KCNQ1: variants seen among roughly 807,000 people sequenced by gnomAD.
The protein encoded by KCNQ1 is potassium voltage-gated channel subfamily Q member 1.
KCNQ1 carries 49 observed loss-of-function variants against 72.4 expected under a neutral mutation model. The observed-to-expected ratio is 0.68, with a 90% confidence interval of 0.54 to 0.86. KCNQ1 has a LOEUF of 0.86. KCNQ1 is among the 40% of genes least tolerant of loss of function. KCNQ1 has a pLI of 0.00. For missense variants in KCNQ1, 790 were observed against 945.1 expected, an observed-to-expected ratio of 0.84 and a Z score of 2.15; for synonymous variants, 450 against 412.6, an observed-to-expected ratio of 1.09 and a Z score of -1.10.
At chr11:2,794,548 C>T (rs557550810) in intron 15 of KCNQ1, among the ~76,000 whole-genome samples, 4 of 152,222 alleles carry the variant, frequency 2.6e-5, no homozygotes, top group East Asian at 1.9e-4. Context: ...TGTGACTCAG[C>T]CCTGAGCCCA....
intron 11 of KCNQ1, among the ~76,000 whole-genome samples, chr11:2,707,564 T>C (rs1590044889): frequency 6.6e-6 from 1 of 152,064 alleles, no homozygotes; most frequent in East Asian, 2.0e-4. Context: ...CAGAGCAGCC[T>C]GGACCCAGGA....
In KCNQ1 at chr11:2,504,907, C is replaced by T. The variant is rs1208697091; in HGVS notation, c.387-23021C>T. Among the ~76,000 whole-genome samples the T allele has an allele frequency of 2.6e-5, 4 of 152,132 alleles. No homozygotes were observed. The East Asian group carries it at 7.7e-4, about 29-fold the overall frequency. On this transcript the variant is annotated intron_variant, in intron 1 of 15. Transcript: ENST00000155840. ...TCATGGACCCCATAAACCTATACAC[C>T]TACTATGTACCCACAAAAAGCAAAA... is the stretch of plus-strand genomic sequence containing the variant.
rs1349244002 is a variant in KCNQ1 at position 2,848,009 on chromosome 11, G to T, written c.*6G>T. The T allele has an allele frequency of 6.5e-7, 1 of 1,538,220 alleles. No homozygotes were observed. The highest frequency in any genetic ancestry group is 1.2e-5 in the South Asian group (1 of 82,380). On this transcript the variant is annotated 3_prime_UTR_variant, in exon 16 of 16. Transcript: ENST00000155840. ...GCCCCGATGAGGGGTCCTGAGGAGG[G>T]GATGGGGCTGGGGGATGGGCCTGAG...
intron 7 of KCNQ1, among the ~76,000 whole-genome samples, chr11:2,584,272 G>GC (rs1380958403): frequency 0.016 from 2 of 122 alleles, no homozygotes; most frequent in Non-Finnish European, 0.043. Context: ...ACATCTATGT[G>GC]CGTATATGTG....
At position 2,752,222 on chromosome 11, in the gene KCNQ1, T is replaced by G. The variant is rs189197107; in HGVS notation, c.1515-16622T>G. ...TACTGAGTTGAGGTGACTGGGTTGA[T>G]TTTAGCTTCACAGGTGATCTGAACC... On this transcript the variant is annotated intron_variant, in intron 11 of 15. Transcript: ENST00000155840. The surrounding 1 kb of genome is among the most constrained non-coding windows in gnomAD (Gnocchi z 5.2). Among the ~76,000 whole-genome samples, 240 of 152,288 alleles carry G rather than the reference T, an allele frequency of 1.6e-3. 1 individual carries two copies. The highest frequency in any genetic ancestry group is 5.5e-3 in the African/African-American group (229 of 41,550).
intron 11 of KCNQ1, among the ~76,000 whole-genome samples, chr11:2,763,431 G>A (rs231876): frequency 6.7e-6 from 1 of 150,208 alleles, no homozygotes. Context: ...AAGAAAGAAA[G>A]AAAGAAAGAT....
chr11:2,685,509 A>T, intron 11 of KCNQ1: 1 of 398,782 alleles, frequency 2.5e-6, no homozygotes, highest in Non-Finnish European at 4.4e-6. Context: ...ACATCCAGAC[A>T]GGAGACGCTA....
chr11:2,671,603 C>T lies in KCNQ1; in HGVS notation c.1514+9522C>T, dbSNP rs537836423. On this transcript the variant is annotated intron_variant, in intron 11 of 15. Coordinates refer to ENST00000155840, the MANE Select transcript of KCNQ1 (RefSeq NM_000218.3). This position sits in a 1 kb window ranked among gnomAD's most constrained non-coding sequence, Gnocchi z 4.7. ...TTATACAAGATCAGACTGCACTGCACCCTAAGTATAAACCTTGCCACAGCA... is the reference window on the plus strand; with the variant it reads ...TTATACAAGATCAGACTGCACTGCATCCTAAGTATAAACCTTGCCACAGCA... The T allele has an allele frequency of 2.5e-6, 1 of 398,640 alleles. No homozygotes were observed. The highest frequency in any genetic ancestry group is 2.1e-5 in the African/African-American group (1 of 48,740). 24.7% of individuals were successfully genotyped at this position (398,640 alleles called of 1,614,324 possible).
At chr11:2,714,895 G>A (rs1358614184) in intron 11 of KCNQ1, among the ~76,000 whole-genome samples, 1 of 151,870 alleles carries the variant, frequency 6.6e-6, no homozygotes, top group Non-Finnish European at 1.5e-5. Flanking sequence ...GGTCCCTCAG[G>A]ACACATGCTC....
At position 2,592,541 on chromosome 11, in the gene KCNQ1, C is replaced by T. The variant is rs1418885275; in HGVS notation, c.1393+3687C>T. On this transcript the variant is annotated intron_variant, in intron 10 of 15. Transcript: ENST00000155840. The surrounding 1 kb of genome is among the most constrained non-coding windows in gnomAD (Gnocchi z 5.2). ...AGGGGAATGTCAGCAGCCACCCAGC[C>T]CGAGAGCCAGAGCACAGCAGGGGCT... Among the ~76,000 whole-genome samples, 1 of 152,200 alleles carries T rather than the reference C, an allele frequency of 6.6e-6. No homozygotes were observed. Among genetic ancestry groups the T allele is most frequent in the Non-Finnish European group, 1.5e-5 (1 of 68,030 alleles).
chr11:2,825,831 G>C (rs1847827141), intron 15 of KCNQ1, among the ~76,000 whole-genome samples: 1 of 152,206 alleles, frequency 6.6e-6, no homozygotes, highest in Non-Finnish European at 1.5e-5. Context: ...ACTGGGGCAA[G>C]GGTGGAGTTT....
chr11:2,810,877 G>A (rs570790642), intron 15 of KCNQ1, among the ~76,000 whole-genome samples: 10 of 152,278 alleles, frequency 6.6e-5, no homozygotes, highest in East Asian at 3.9e-4. Context: ...GCTGGCAGCC[G>A]GGAGTCCCAC....
intron 9 of KCNQ1, among the ~76,000 whole-genome samples, 178 bp downstream of exon 9, chr11:2,587,870 C>T (rs1848617168): frequency 6.6e-6 from 1 of 152,186 alleles, no homozygotes; most frequent in African/African-American, 2.4e-5. Flanking sequence ...CCTGCCATCC[C>T]AATGTCCCCC....
In KCNQ1 at chr11:2,464,780, G is replaced by A. The variant is rs1414899953; in HGVS notation, c.386+19296G>A. Among the ~76,000 whole-genome samples, 6 of 138,232 alleles carry A rather than the reference G, an allele frequency of 4.3e-5. No homozygotes were observed. The East Asian group carries it at 1.2e-3, about 28-fold the overall frequency. 90.7% of individuals were successfully genotyped at this position (138,232 alleles called of 152,430 possible). A position where few individuals can be genotyped will look rare whatever the true frequency, so the allele number is the denominator to read the frequency against. On this transcript the variant is annotated intron_variant, in intron 1 of 15. Transcript: ENST00000155840. The surrounding 1 kb of genome is among the most constrained non-coding windows in gnomAD (Gnocchi z 5.0). ...GTGGCTCTGCTGACCCCTCCTAGGT[G>A]GGCTGGGGCTGAGGCGGATCCCACT...
In KCNQ1 at chr11:2,803,643, GCCCCAGCCTGCCCAC is replaced by G. The variant is rs768393099; in HGVS notation, c.1794+25617_1794+25631del. 6.9e-4 allele frequency among the ~76,000 whole-genome samples: 105 copies of G among 152,158 alleles called. No individual in the cohort carries two copies. The highest frequency in any genetic ancestry group is 1.4e-3 in the Admixed American group (21 of 15,294). On this transcript the variant is annotated intron_variant, in intron 15 of 15. Transcript: ENST00000155840. This position sits in a 1 kb window ranked among gnomAD's most constrained non-coding sequence, Gnocchi z 6.4. ...CAGCCCCATCTCCAGGTCCCGGCCT[GCCCCAGCCTGCCCAC>G]CCCCAGCCTGTCCCCCAAATGCCCA...
At chr11:2,753,229 G>T (rs535328003) in intron 11 of KCNQ1, among the ~76,000 whole-genome samples, 1 of 152,160 alleles carries the variant, frequency 6.6e-6, no homozygotes, top group African/African-American at 2.4e-5. Flanking sequence ...GGGGAGTCAC[G>T]AGATCTTCAG....
intron 11 of KCNQ1, chr11:2,685,476 C>T: frequency 2.5e-6 from 1 of 398,846 alleles, no homozygotes; most frequent in Non-Finnish European, 4.4e-6. Flanking sequence ...ACTCCCATCT[C>T]ACAGGCCACC....
In KCNQ1 at chr11:2,541,704, GTT is replaced by G. The variant is rs368310521; in HGVS notation, c.477+13700_477+13701del. 2.1e-5 allele frequency among the ~76,000 whole-genome samples: 3 copies of G among 145,214 alleles called. No homozygotes were observed. The highest frequency in any genetic ancestry group is 1.5e-5 in the Non-Finnish European group (1 of 66,236). On this transcript the variant is annotated intron_variant, in intron 2 of 15. Transcript: ENST00000155840. The surrounding 1 kb of genome is among the most constrained non-coding windows in gnomAD (Gnocchi z 4.8). ...TTCATCTCAGGCTCAGGTGTTTTGA[GTT>G]TTTTTTTTTTTTTAAATGAGGACAT...
At chr11:2,796,921 G>A (rs1847146861) in intron 15 of KCNQ1, among the ~76,000 whole-genome samples, 1 of 152,230 alleles carries the variant, frequency 6.6e-6, no homozygotes, top group Non-Finnish European at 1.5e-5. Context: ...ACCGTAAATG[G>A]TTTCTGTGTG....
Sources: gnomAD v4.1 joint callset for allele counts (sites outside exome capture counted in the v4.1 genomes callset) on GRCh38, gnomAD v4.1.1 for gene constraint, Gnocchi (gnomAD v3.1) non-coding constraint, MANE v1.5 for transcripts, NCBI Gene and HGNC (gene_info 2026-07-23, HGNC 2026-07-21) for gene names.